The following MAN1A2 variants were observed in gnomAD, a reference collection of about 807,000 sequenced individuals.
The protein encoded by MAN1A2 is mannosidase alpha class 1A member 2.
A neutral mutation model predicts 75.7 loss-of-function variants in MAN1A2; 26 were observed. That is an observed-to-expected ratio of 0.34 (90% CI 0.25 to 0.48). MAN1A2 has a LOEUF of 0.48. MAN1A2 is among the 20% of genes least tolerant of loss of function. The probability of loss-of-function intolerance (pLI) is 0.99; values close to 1 mark genes in which losing one functional copy is unlikely to be tolerated. For missense variants in MAN1A2, 562 were observed against 775.5 expected (o/e 0.72, Z 3.27); for synonymous variants, 247 against 264.6 (o/e 0.93, Z 0.65).
At chr1:117,432,954 A>G (rs1648722018) in intron 5 of MAN1A2, among the ~76,000 whole-genome samples, 1 of 148,962 alleles carries the variant, frequency 6.7e-6, no homozygotes, top group South Asian at 2.1e-4. Context: ...TTTTTATATA[A>G]TATAAAAGAT....
At chr1:117,386,352 G>A (rs1268904351) in intron 1 of MAN1A2, among the ~76,000 whole-genome samples, 6 of 152,144 alleles carry the variant, frequency 3.9e-5, no homozygotes, top group Admixed American at 3.9e-4. Flanking sequence ...CTGAGAGGCA[G>A]CTTGGAAACA....
intron 1 of MAN1A2, among the ~76,000 whole-genome samples, chr1:117,369,837 T>C (rs1471262656): frequency 6.6e-6 from 1 of 152,232 alleles, no homozygotes; most frequent in Admixed American, 6.5e-5. Flanking sequence ...GAAAATCTTA[T>C]TTCGCATGGT....
intron 1 of MAN1A2, among the ~76,000 whole-genome samples, chr1:117,400,834 T>C (rs1312047122): frequency 6.6e-6 from 1 of 151,994 alleles, no homozygotes; most frequent in East Asian, 1.9e-4. Flanking sequence ...TTGTCCTCCA[T>C]TTTTTTTCAT....
At chr1:117,446,955 T>C (rs1163767203) in intron 6 of MAN1A2, among the ~76,000 whole-genome samples, 1 of 152,170 alleles carries the variant, frequency 6.6e-6, no homozygotes, top group Non-Finnish European at 1.5e-5. Flanking sequence ...AGCTTTACTC[T>C]TAAGTACTTA....
At chr1:117,517,591 CAA>C (rs894058867) in intron 12 of MAN1A2, among the ~76,000 whole-genome samples, 36 of 151,764 alleles carry the variant, frequency 2.4e-4, no homozygotes, top group African/African-American at 5.3e-4. Context: ...CAAAATGAAA[CAA>C]GAGCAAAAAA....
chr1:117,425,212 A>G (rs1648325643), intron 5 of MAN1A2, among the ~76,000 whole-genome samples: 1 of 152,128 alleles, frequency 6.6e-6, no homozygotes, highest in Non-Finnish European at 1.5e-5. Context: ...AAAAAGATGC[A>G]AAGTTTTAAA....
chr1:117,380,526 T>C (rs1557926385), intron 1 of MAN1A2, among the ~76,000 whole-genome samples: 1 of 152,190 alleles, frequency 6.6e-6, no homozygotes, highest in Non-Finnish European at 1.5e-5. Flanking sequence ...TGTTGATTCA[T>C]GTTGAGTTAA....
At chr1:117,479,768 T>C (rs1044297375) in intron 8 of MAN1A2, among the ~76,000 whole-genome samples, 8 of 151,714 alleles carry the variant, frequency 5.3e-5, no homozygotes, top group Admixed American at 3.3e-4. Flanking sequence ...CTTATTCTTA[T>C]TGTGCATTAT....
chr1:117,386,622 C>T (rs1653532219), intron 1 of MAN1A2, among the ~76,000 whole-genome samples: 1 of 141,532 alleles, frequency 7.1e-6, no homozygotes, highest in Non-Finnish European at 1.5e-5. Context: ...TTTCTCATTT[C>T]GTTGCTTTGC....
chr1:117,509,195 T>G (rs981641995), intron 12 of MAN1A2, among the ~76,000 whole-genome samples: 4 of 151,746 alleles, frequency 2.6e-5, no homozygotes, highest in Non-Finnish European at 4.4e-5. Context: ...TTCTTAAAAT[T>G]AGAAATTATT....
intron 8 of MAN1A2, among the ~76,000 whole-genome samples, chr1:117,473,018 C>G (rs547072445): frequency 6.6e-6 from 1 of 152,066 alleles, no homozygotes; most frequent in East Asian, 1.9e-4. Flanking sequence ...TCTCTCAAAT[C>G]TAGAACTCTA....
intron 1 of MAN1A2, among the ~76,000 whole-genome samples, chr1:117,387,462 A>G (rs1653572688): frequency 6.6e-6 from 1 of 152,244 alleles, no homozygotes; most frequent in Non-Finnish European, 1.5e-5. Flanking sequence ...GGTTCTTGGT[A>G]TCTGTGAGGA....
At chr1:117,438,547 A>G (rs558888799) in intron 5 of MAN1A2, among the ~76,000 whole-genome samples, 168 of 152,312 alleles carry the variant, frequency 1.1e-3, no homozygotes, top group Non-Finnish European at 2.1e-3. Context: ...AGGCCTTCAC[A>G]TTCACTCACC....
At chr1:117,457,245 C>A (rs761931132) in intron 6 of MAN1A2, among the ~76,000 whole-genome samples, 1 of 151,936 alleles carries the variant, frequency 6.6e-6, no homozygotes, top group Non-Finnish European at 1.5e-5. Context: ...GAGAAACATA[C>A]GTTTTGCTTG....
At chr1:117,437,651 A>G (rs1648888572) in intron 5 of MAN1A2, among the ~76,000 whole-genome samples, 1 of 152,164 alleles carries the variant, frequency 6.6e-6, no homozygotes, top group Admixed American at 6.5e-5. Context: ...ACCTTGTGAA[A>G]TACATTACTT....
chr1:117,469,925 A>G (rs1476634695), intron 8 of MAN1A2, among the ~76,000 whole-genome samples: 1 of 152,160 alleles, frequency 6.6e-6, no homozygotes, highest in Non-Finnish European at 1.5e-5. Flanking sequence ...TTAAAAAGTT[A>G]AACATAGAAT....
At chr1:117,481,893 A>G (rs1306183131) in intron 8 of MAN1A2, among the ~76,000 whole-genome samples, 1 of 151,942 alleles carries the variant, frequency 6.6e-6, no homozygotes, top group Non-Finnish European at 1.5e-5. Flanking sequence ...ACAGCTTCTT[A>G]AATGTTGATA....
chr1:117,489,125 C>T lies in MAN1A2; in HGVS notation c.1169-4022C>T, dbSNP rs140351673. 3.3e-5 allele frequency among the ~76,000 whole-genome samples: 5 copies of T among 152,114 alleles called. No individual in the cohort carries two copies. In the East Asian group the frequency reaches 9.7e-4, roughly 30 times the overall value. On this transcript the variant is annotated intron_variant, in intron 8 of 12. Transcript: ENST00000356554. Reference sequence around the variant, plus strand: ...AATGATTGTGCAGTCCTCCATAGTACGTTTATATCGTAACTTAGCCTCCTC... The same window carrying T: ...AATGATTGTGCAGTCCTCCATAGTATGTTTATATCGTAACTTAGCCTCCTC...
At chr1:117,410,839 AAAAT>A (rs1259860426) in intron 3 of MAN1A2, among the ~76,000 whole-genome samples, 8 of 151,824 alleles carry the variant, frequency 5.3e-5, no homozygotes, top group Non-Finnish European at 7.4e-5. Flanking sequence ...CACAGTTTAA[AAAAT>A]AAAGTCATTT....
Sources: allele counts gnomAD v4.1 joint callset (sites outside exome capture counted in the v4.1 genomes callset), GRCh38; gene constraint gnomAD v4.1.1; transcripts MANE v1.5; gene names NCBI Gene and HGNC (gene_info 2026-07-23, HGNC 2026-07-21).